ARK2N: variants seen among roughly 807,000 people sequenced by gnomAD.
The protein encoded by ARK2N is protein ARK2N.
the ARK2N span, chr18:46,216,100 A>G: frequency 1.2e-6 from 2 of 1,614,192 alleles, no homozygotes; most frequent in Non-Finnish European, 1.7e-6. This position sits in a 1 kb window ranked among gnomAD's most constrained non-coding sequence, Gnocchi z 4.3. Flanking sequence ...GTTAGCATCC[A>G]CAGAGAGTGA....
chr18:46,228,354 T>G, the ARK2N span, among the ~76,000 whole-genome samples: 1 of 152,116 alleles, frequency 6.6e-6, no homozygotes, highest in African/African-American at 2.4e-5. Context: ...TTAACAGGCT[T>G]CTTTTTTGTT....
the ARK2N span, among the ~76,000 whole-genome samples, chr18:46,227,723 A>C: frequency 6.6e-6 from 1 of 151,928 alleles, no homozygotes; most frequent in East Asian, 1.9e-4. Flanking sequence ...TCAGCCTCCT[A>C]AGTAGTTGGG....
At chr18:46,202,759 G>A in the ARK2N span, among the ~76,000 whole-genome samples, 2 of 150,446 alleles carry the variant, frequency 1.3e-5, no homozygotes, top group Non-Finnish European at 2.9e-5. Context: ...CTGCATTCCA[G>A]CCTGGGCAAC....
At chr18:46,229,941 T>G in the ARK2N span, among the ~76,000 whole-genome samples, 1 of 151,828 alleles carries the variant, frequency 6.6e-6, no homozygotes, top group Non-Finnish European at 1.5e-5. Context: ...GTTTGTTTGT[T>G]TTTGAGACAG....
the ARK2N span, among the ~76,000 whole-genome samples, chr18:46,195,640 G>A: frequency 1.5e-5 from 2 of 133,822 alleles, no homozygotes; most frequent in African/African-American, 2.9e-5. Context: ...GCAGTGGCAC[G>A]ATCTGGACTC....
the ARK2N span, among the ~76,000 whole-genome samples, chr18:46,257,680 C>T: frequency 3.2e-4 from 46 of 145,164 alleles, no homozygotes; most frequent in Middle Eastern, 3.4e-3. Flanking sequence ...TTTTTTTTGT[C>T]GTTGGTCCTG....
At chr18:46,229,676 G>A in the ARK2N span, among the ~76,000 whole-genome samples, 1 of 152,014 alleles carries the variant, frequency 6.6e-6, no homozygotes, top group African/African-American at 2.4e-5. Flanking sequence ...GAGTGCAGTG[G>A]CACGATCACA....
the ARK2N span, among the ~76,000 whole-genome samples, chr18:46,188,941 G>C: frequency 9.2e-5 from 14 of 152,228 alleles, no homozygotes; most frequent in Admixed American, 5.2e-4. Context: ...GACCGGGTGC[G>C]GGGTGGCTCA....
the ARK2N span, among the ~76,000 whole-genome samples, chr18:46,221,286 C>T: frequency 6.6e-6 from 1 of 151,760 alleles, no homozygotes; most frequent in Non-Finnish European, 1.5e-5. Context: ...TGTCTCATGC[C>T]TGTAATCCCA....
the ARK2N span, among the ~76,000 whole-genome samples, chr18:46,259,010 C>T: frequency 2.0e-5 from 3 of 151,328 alleles, no homozygotes; most frequent in East Asian, 5.8e-4. Context: ...CTGTTTTTTC[C>T]CTCTGTAGTT....
the ARK2N span, among the ~76,000 whole-genome samples, chr18:46,250,491 T>TAAACACACACACACACACACACACACAC: frequency 3.1e-5 from 4 of 129,762 alleles, no homozygotes; most frequent in East Asian, 9.4e-4. Flanking sequence ...CCTCCATTCG[T>TAAACACACACACACACACACACACACAC]ACACACACAC....
chr18:46,228,014 G>A, the ARK2N span, among the ~76,000 whole-genome samples: 2 of 152,146 alleles, frequency 1.3e-5, no homozygotes, highest in African/African-American at 4.8e-5. Flanking sequence ...TGATTTTTCA[G>A]TATAAAATAT....
the ARK2N span, among the ~76,000 whole-genome samples, chr18:46,243,819 GTTA>G: frequency 1.3e-5 from 2 of 152,116 alleles, no homozygotes; most frequent in Admixed American, 1.3e-4. Flanking sequence ...ACTCCAAAAG[GTTA>G]TTGTTACCAC....
At chr18:46,265,879 A>G in the ARK2N span, 7 of 152,418 alleles carry the variant, frequency 4.6e-5, no homozygotes, top group East Asian at 1.2e-3. Context: ...CTCTGCTAAA[A>G]TGGTACATGT....
the ARK2N span, among the ~76,000 whole-genome samples, chr18:46,221,825 T>C: frequency 6.6e-6 from 1 of 152,196 alleles, no homozygotes; most frequent in Non-Finnish European, 1.5e-5. Flanking sequence ...AGCGCAGTAA[T>C]TGACCTTTTT....
the ARK2N span, among the ~76,000 whole-genome samples, chr18:46,202,786 G>A: frequency 4.9e-5 from 7 of 143,726 alleles, no homozygotes; most frequent in Non-Finnish European, 7.5e-5. Flanking sequence ...AGACTCGGTC[G>A]CAAAAAAATA....
At chr18:46,203,774 A>G in the ARK2N span, among the ~76,000 whole-genome samples, 1 of 152,036 alleles carries the variant, frequency 6.6e-6, no homozygotes, top group African/African-American at 2.4e-5. Context: ...TTTAGTAGAG[A>G]TGGGGTTTTG....
At chr18:46,226,558 G>A in the ARK2N span, among the ~76,000 whole-genome samples, 99,449 of 152,078 alleles carry the variant, frequency 0.65, 33,765 homozygotes, top group Non-Finnish European at 0.75. Context: ...AAATAAATGG[G>A]CCTTAGTTAT....
the ARK2N span, among the ~76,000 whole-genome samples, chr18:46,182,591 T>C: frequency 0.3 from 45,307 of 151,792 alleles, 7,127 homozygotes; most frequent in East Asian, 0.42. Context: ...TAAAAAATTA[T>C]TTTTAAAAAT....
Sources: allele counts gnomAD v4.1 joint callset (sites outside exome capture counted in the v4.1 genomes callset), GRCh38; gene constraint gnomAD v4.1.1; non-coding constraint Gnocchi (gnomAD v3.1); transcripts MANE v1.5; gene names NCBI Gene and HGNC (gene_info 2026-07-23, HGNC 2026-07-21).